Variants in ZFHX3 observed in about 807,000 individuals in gnomAD.
ZFHX3 encodes zinc finger homeobox protein 3.
Under a neutral mutation model 279.1 loss-of-function variants are expected in ZFHX3, and 42 were observed. The observed-to-expected ratio is 0.15, with a 90% CI of 0.12 to 0.19. ZFHX3 has a LOEUF of 0.19. ZFHX3 is among the 10% of genes least tolerant of loss of function. ZFHX3 has a pLI of 1.00. For synonymous variants in ZFHX3, 2,293 were observed against 1,957.8 expected (o/e 1.17, Z -4.52); for missense variants, 4,981 against 4,754.0 (o/e 1.05, Z -1.40).
At chr16:73,036,045 T>C (rs975555485) in intron 1 of ZFHX3, among the ~76,000 whole-genome samples, 9 of 152,234 alleles carry the variant, frequency 5.9e-5, no homozygotes, top group African/African-American at 2.2e-4. Context: ...TGCCCTTCTG[T>C]AAAATATGCC....
At position 73,311,704 on chromosome 16, in the gene ZFHX3, C is replaced by T. The variant is rs369519209; in HGVS notation, c.-1194+6536G>A. Among the ~76,000 whole-genome samples the T allele has an allele frequency of 2.8e-4, 43 of 151,334 alleles. No homozygotes were observed. In the East Asian group the frequency reaches 5.5e-3, roughly 19 times the overall value. On this transcript the variant is annotated intron_variant, in intron 4 of 17. Transcript: ENST00000641206. ...TGAACTTTTCTATATTTCTGAAATACGATAAGCATGAATTAATTTTCTGAT... is the reference window on the plus strand; with the variant it reads ...TGAACTTTTCTATATTTCTGAAATATGATAAGCATGAATTAATTTTCTGAT...
At chr16:73,408,663 C>T (rs2017410205) in intron 3 of ZFHX3, among the ~76,000 whole-genome samples, 3 of 152,154 alleles carry the variant, frequency 2.0e-5, no homozygotes, top group African/African-American at 7.2e-5. Flanking sequence ...ACTTGGGGCC[C>T]TCTAGGCTTG....
intron 3 of ZFHX3, among the ~76,000 whole-genome samples, chr16:72,938,260 T>C (rs898118133): frequency 1.3e-5 from 2 of 152,256 alleles, no homozygotes; most frequent in African/African-American, 4.8e-5. Context: ...AAATAAAAGA[T>C]ACTTTCCAAC....
At chr16:73,833,844 C>T (rs1216486415) in intron 1 of ZFHX3, among the ~76,000 whole-genome samples, 2 of 149,746 alleles carry the variant, frequency 1.3e-5, no homozygotes, top group East Asian at 2.0e-4. Context: ...CACCATATGT[C>T]GGGTACCACA....
rs192057278 is a variant in ZFHX3 at position 73,416,734 on chromosome 16, T to C, written c.-1291+39269A>G. 1.9e-3 allele frequency among the ~76,000 whole-genome samples: 287 copies of C among 149,436 alleles called. 2 individuals carry two copies. The highest frequency in any genetic ancestry group is 0.017 in the East Asian group (84 of 5,082). On this transcript the variant is annotated intron_variant, in intron 3 of 17. Coordinates refer to the ZFHX3 transcript ENST00000641206. The stretch of plus-strand genomic sequence containing the variant: ...CTAAAAATACAAAAAATTAGCCGGG[T>C]GCGGTGGCGGGCGCCTGTAGTCCCA...
chr16:73,354,702 A>T (rs1280914083), intron 3 of ZFHX3, among the ~76,000 whole-genome samples: 1 of 150,288 alleles, frequency 6.7e-6, no homozygotes, highest in East Asian at 1.9e-4. Flanking sequence ...CAGCGACCTC[A>T]TCCACCCTTC....
chr16:73,517,094 G>T (rs1177020450), intron 2 of ZFHX3, among the ~76,000 whole-genome samples: 1 of 152,088 alleles, frequency 6.6e-6, no homozygotes, highest in African/African-American at 2.4e-5. Flanking sequence ...AGGCTGAGCG[G>T]GTCTGTTTTC....
intron 2 of ZFHX3, among the ~76,000 whole-genome samples, chr16:73,493,263 A>G (rs1232998287): frequency 6.6e-6 from 1 of 152,280 alleles, no homozygotes; most frequent in Admixed American, 6.5e-5. Context: ...CCCTTACTCC[A>G]ATATACACAC....
chr16:73,473,339 C>CAAAGAAAAA (rs2018702847), intron 2 of ZFHX3, among the ~76,000 whole-genome samples: 1 of 76,658 alleles, frequency 1.3e-5, no homozygotes, highest in Non-Finnish European at 2.3e-5. Flanking sequence ...TGTCTCAAAG[C>CAAAGAAAAA]AAAAAAAAAA....
chr16:72,897,729 C>A (rs2038933506), intron 3 of ZFHX3, among the ~76,000 whole-genome samples: 1 of 151,852 alleles, frequency 6.6e-6, no homozygotes, highest in Admixed American at 6.6e-5. Context: ...ATGTAAGTCA[C>A]CGCACCCAGC....
intron 5 of ZFHX3, among the ~76,000 whole-genome samples, chr16:73,160,082 C>G (rs112193878): frequency 4.7e-4 from 72 of 152,268 alleles, no homozygotes; most frequent in African/African-American, 1.7e-3. Context: ...TTATTAGGGA[C>G]TTCTTTCCTT....
chr16:73,184,581 A>C (rs1214236100), intron 5 of ZFHX3, among the ~76,000 whole-genome samples: 1 of 152,092 alleles, frequency 6.6e-6, no homozygotes, highest in Non-Finnish European at 1.5e-5. Context: ...GAGAGTCAAA[A>C]TCTCGACTCT....
chr16:72,827,025 T>C (rs1299174081), intron 5 of ZFHX3, among the ~76,000 whole-genome samples: 3 of 152,144 alleles, frequency 2.0e-5, no homozygotes, highest in Non-Finnish European at 2.9e-5. Context: ...GAGGCACATA[T>C]AGAGTGGCTA....
chr16:73,302,107 G>A lies in ZFHX3; in HGVS notation c.-1194+16133C>T, dbSNP rs567833933. 5.3e-5 allele frequency among the ~76,000 whole-genome samples: 8 copies of A among 152,252 alleles called. No individual in the cohort carries two copies. The South Asian group carries it at 8.3e-4, about 16-fold the overall frequency. Reference sequence around the variant, plus strand: ...CAAAGGGAGACAGAAGACAAAAGGAGCAGAAGATGGAAATCCTTCAAGATC... The same window carrying A: ...CAAAGGGAGACAGAAGACAAAAGGAACAGAAGATGGAAATCCTTCAAGATC... On this transcript the variant is annotated intron_variant, in intron 4 of 17. Transcript: ENST00000641206.
intron 1 of ZFHX3, among the ~76,000 whole-genome samples, chr16:73,036,136 ACTCTCTCTCTCTCTGT>A (rs1388692044): frequency 2.0e-5 from 3 of 150,826 alleles, no homozygotes; most frequent in African/African-American, 4.9e-5. Flanking sequence ...GCATAGACAG[ACTCTCTCTCTCTCTGT>A]CTCTCTCTCT....
In ZFHX3 at chr16:73,222,044, C is replaced by A. The variant is rs147769125; in HGVS notation, c.-1104+35003G>T. On this transcript the variant is annotated intron_variant, in intron 5 of 17. Coordinates refer to the ZFHX3 transcript ENST00000641206. ...ATTATACATAACTCAATGATGAACT[C>A]TTTTTTTCACATCTCTGATTGTTTC... 1.9e-3 allele frequency among the ~76,000 whole-genome samples: 292 copies of A among 152,062 alleles called. 2 individuals are homozygous for A. The highest frequency in any genetic ancestry group is 6.6e-3 in the African/African-American group (274 of 41,510).
chr16:73,630,217 A>G (rs1027086907), intron 2 of ZFHX3, among the ~76,000 whole-genome samples: 1 of 152,250 alleles, frequency 6.6e-6, no homozygotes, highest in African/African-American at 2.4e-5. Flanking sequence ...ACAAGAAAAT[A>G]AAGACAAACA....
At chr16:72,908,703 T>C (rs1178336811) in intron 3 of ZFHX3, among the ~76,000 whole-genome samples, 1 of 152,192 alleles carries the variant, frequency 6.6e-6, no homozygotes, top group Non-Finnish European at 1.5e-5. Flanking sequence ...TGTTATTATG[T>C]GACCTTCAGC....
chr16:73,875,637 G>T lies in ZFHX3; in HGVS notation c.-1608+16014C>A, dbSNP rs139514770. ...TCAATTTTCTAGTTATTTCTCAAGG[G>T]TTATATTTGTTCATAATAATAGCAG... On this transcript the variant is annotated intron_variant, in intron 1 of 17. Transcript: ENST00000641206. Among the ~76,000 whole-genome samples the T allele has an allele frequency of 1.3e-5, 2 of 152,100 alleles. 1 individual carries two copies. The highest frequency in any genetic ancestry group is 3.9e-4 in the East Asian group (2 of 5,172).
Sources: allele counts gnomAD v4.1 joint callset (sites outside exome capture counted in the v4.1 genomes callset), GRCh38; gene constraint gnomAD v4.1.1; transcripts MANE v1.5; gene names NCBI Gene and HGNC (gene_info 2026-07-23, HGNC 2026-07-21).